ESR1: variants seen among roughly 807,000 people sequenced by gnomAD.
ESR1 encodes the protein estrogen receptor 1, also known as estrogen receptor.
A neutral mutation model predicts 52.7 loss-of-function variants in ESR1; 12 were observed. The ratio of observed to expected loss-of-function variants is 0.23; its 90% CI spans 0.15 to 0.37. The LOEUF (loss-of-function observed/expected upper bound fraction) is 0.37. Among genes scored for constraint, ESR1 ranks in the 10% least tolerant of loss-of-function variants. The pLI is 1.00. For synonymous variants in ESR1, 305 were observed against 316.8 expected (o/e 0.96, Z 0.39); for missense variants, 584 against 779.7 (o/e 0.75, Z 2.99).
At chr6:151,942,758 A>G (rs1453820160) in intron 3 of ESR1, among the ~76,000 whole-genome samples, 2 of 152,108 alleles carry the variant, frequency 1.3e-5, no homozygotes, top group African/African-American at 4.8e-5. Flanking sequence ...AACAAGTGAT[A>G]TGTTATAAAG....
chr6:151,775,970 C>G (rs899036622), intron 2 of ESR1, among the ~76,000 whole-genome samples: 1 of 152,102 alleles, frequency 6.6e-6, no homozygotes, highest in Non-Finnish European at 1.5e-5. Flanking sequence ...GGGTTGTGGT[C>G]AGGAAGTCAG....
At position 152,053,566 on chromosome 6, in the gene ESR1, A is replaced by ATCCCTCTC. The variant is rs1562729096; in HGVS notation, c.1236-7417_1236-7410dup. Among the ~76,000 whole-genome samples, 3 of 137,462 alleles carry ATCCCTCTC rather than the reference A, an allele frequency of 2.2e-5. No individual in the cohort carries two copies. The highest frequency in any genetic ancestry group is 4.7e-5 in the Non-Finnish European group (3 of 63,192). The allele number at this position is 137,462 out of a possible 152,430, so 90.2% of individuals were successfully genotyped here. On this transcript the variant is annotated intron_variant, in intron 5 of 7. Coordinates refer to ENST00000206249, the MANE Select transcript of ESR1 (RefSeq NM_000125.4). This position sits in a 1 kb window ranked among gnomAD's most constrained non-coding sequence, Gnocchi z 4.1. ...TCTCTCTTATCCTCTCTTTCTCTCA[A>ATCCCTCTC]TCCCTCTCTCCCTCTTTCTCTCTCT... is the stretch of plus-strand genomic sequence containing the variant.
chr6:152,067,582 T>A (rs994382438), intron 6 of ESR1, among the ~76,000 whole-genome samples: 3 of 152,150 alleles, frequency 2.0e-5, no homozygotes, highest in African/African-American at 7.2e-5. Flanking sequence ...AAAAAATGCT[T>A]TGGGAGGCTG....
chr6:151,958,756 G>A (rs1323809294), intron 4 of ESR1, among the ~76,000 whole-genome samples: 5 of 152,170 alleles, frequency 3.3e-5, no homozygotes, highest in African/African-American at 1.2e-4. Flanking sequence ...AGAGAACAAC[G>A]TGGTTTTGAG....
chr6:151,775,707 C>T (rs1306735655), intron 2 of ESR1, among the ~76,000 whole-genome samples: 4 of 150,232 alleles, frequency 2.7e-5, no homozygotes, highest in Admixed American at 2.7e-4. Flanking sequence ...GATCGCGCCA[C>T]TGCACTCCAG....
At chr6:151,856,695 C>A (rs921152594) in intron 2 of ESR1, among the ~76,000 whole-genome samples, 1 of 152,090 alleles carries the variant, frequency 6.6e-6, no homozygotes, top group African/African-American at 2.4e-5. Flanking sequence ...GAGATAATAG[C>A]AAAATATGAA....
intron 5 of ESR1, among the ~76,000 whole-genome samples, chr6:152,031,452 G>A (rs543731077): frequency 1.3e-5 from 2 of 152,110 alleles, no homozygotes; most frequent in South Asian, 4.2e-4. Context: ...AATGATAAAG[G>A]GGATATCACC....
chr6:151,932,355 C>T (rs1215290175), intron 3 of ESR1, among the ~76,000 whole-genome samples: 1 of 128,098 alleles, frequency 7.8e-6, no homozygotes, highest in Non-Finnish European at 1.6e-5. Flanking sequence ...GGATATTAGC[C>T]CTTTGTCAGA....
At chr6:151,828,020 G>A (rs542109239) in intron 1 of ESR1, among the ~76,000 whole-genome samples, 46 of 152,170 alleles carry the variant, frequency 3.0e-4, no homozygotes, top group African/African-American at 1.1e-3. Flanking sequence ...ATGTAACTTG[G>A]TCCCAAGTCC....
intron 5 of ESR1, among the ~76,000 whole-genome samples, chr6:152,039,409 C>G (rs1324018033): frequency 6.6e-6 from 1 of 152,136 alleles, no homozygotes; most frequent in Non-Finnish European, 1.5e-5. Context: ...GTCAGTCACC[C>G]CAGCCAACAC....
chr6:151,694,961 T>C (rs1011108476), intron 1 of ESR1, among the ~76,000 whole-genome samples: 1 of 151,910 alleles, frequency 6.6e-6, no homozygotes, highest in Non-Finnish European at 1.5e-5. Context: ...TGTGCCAGGG[T>C]GGAAGTGTGG....
At chr6:151,683,140 A>C (rs1049487222) in intron 1 of ESR1, among the ~76,000 whole-genome samples, 13 of 151,964 alleles carry the variant, frequency 8.6e-5, no homozygotes, top group African/African-American at 1.5e-4. Context: ...GTCATTATCT[A>C]GTTTTGTTCT....
chr6:151,979,239 G>T (rs1034581331), intron 4 of ESR1, among the ~76,000 whole-genome samples: 1 of 152,148 alleles, frequency 6.6e-6, no homozygotes, highest in African/African-American at 2.4e-5. Flanking sequence ...GGGTTTCAAC[G>T]TATAAATTTT....
At chr6:151,747,554 T>G (rs1442359163) in intron 2 of ESR1, among the ~76,000 whole-genome samples, 1 of 151,904 alleles carries the variant, frequency 6.6e-6, no homozygotes, top group Non-Finnish European at 1.5e-5. Flanking sequence ...CTAAAAACTA[T>G]TTTTTTTCCA....
intron 6 of ESR1, among the ~76,000 whole-genome samples, chr6:152,084,074 A>G (rs969359017): frequency 6.6e-6 from 1 of 152,236 alleles, no homozygotes; most frequent in African/African-American, 2.4e-5. Flanking sequence ...CATATACACC[A>G]TGGAATACTA....
intron 6 of ESR1, among the ~76,000 whole-genome samples, chr6:152,089,178 C>T (rs972750386): frequency 6.6e-5 from 10 of 152,308 alleles, no homozygotes; most frequent in African/African-American, 1.9e-4. Context: ...AAAACAGATA[C>T]AAACCTCAAA....
At chr6:152,095,757 C>T (rs752828702) in intron 7 of ESR1, among the ~76,000 whole-genome samples, 17 of 152,208 alleles carry the variant, frequency 1.1e-4, no homozygotes, top group Non-Finnish European at 2.5e-4. Flanking sequence ...TTGGAACTTA[C>T]ACTCTGTTCT....
At chr6:151,924,722 A>T (rs1415491479) in intron 3 of ESR1, among the ~76,000 whole-genome samples, 1 of 152,182 alleles carries the variant, frequency 6.6e-6, no homozygotes, top group Non-Finnish European at 1.5e-5. Context: ...TTTGCTAAGG[A>T]TAATGTCCTC....
chr6:151,976,534 A>G (rs1274441822), intron 4 of ESR1, among the ~76,000 whole-genome samples: 1 of 152,132 alleles, frequency 6.6e-6, no homozygotes, highest in Non-Finnish European at 1.5e-5. Context: ...TGGAAAGTAC[A>G]GTGAAGTATC....
Sources: allele counts gnomAD v4.1 joint callset (sites outside exome capture counted in the v4.1 genomes callset), GRCh38; gene constraint gnomAD v4.1.1; non-coding constraint Gnocchi (gnomAD v3.1); transcripts MANE v1.5; gene names NCBI Gene and HGNC (gene_info 2026-07-23, HGNC 2026-07-21).